SYCP1: variants seen among roughly 807,000 people sequenced by gnomAD.
SYCP1 encodes the protein synaptonemal complex protein 1, also known as cancer/testis antigen 8.
A neutral mutation model predicts 153.1 loss-of-function variants in SYCP1; 64 were observed. That is an observed-to-expected ratio of 0.42 (90% CI 0.34 to 0.51). The LOEUF (loss-of-function observed/expected upper bound fraction) is 0.51. SYCP1 is among the 20% of genes least tolerant of loss of function. The pLI, the probability that SYCP1 is intolerant of heterozygous loss-of-function variation, is 0.06. For synonymous variants in SYCP1, 384 were observed against 341.8 expected (o/e 1.12, Z -1.36); for missense variants, 997 against 1,049.0 (o/e 0.95, Z 0.68).
chr1:114,979,587 C>G (rs943797279), intron 28 of SYCP1, among the ~76,000 whole-genome samples: 7 of 151,588 alleles, frequency 4.6e-5, no homozygotes, highest in Non-Finnish European at 5.9e-5. Flanking sequence ...AAAGTTTACC[C>G]CTGATGAATC....
chr1:114,887,814 A>G (rs910624602), intron 15 of SYCP1, 121 bp downstream of exon 15: 2 of 567,560 alleles, frequency 3.5e-6, no homozygotes, highest in Admixed American at 8.3e-5. Flanking sequence ...ATTGCTTGAT[A>G]ATATTTTTAT....
chr1:114,866,902 C>CTT (rs36051645), intron 8 of SYCP1, among the ~76,000 whole-genome samples: 31 of 139,728 alleles, frequency 2.2e-4, no homozygotes, highest in South Asian at 4.6e-4. Flanking sequence ...TGTCCAGATT[C>CTT]TTTTTTTTTT....
chr1:114,868,822 A>G (rs888181456), intron 8 of SYCP1, among the ~76,000 whole-genome samples: 12 of 152,230 alleles, frequency 7.9e-5, no homozygotes, highest in African/African-American at 2.2e-4. Context: ...TAGGTTAGCA[A>G]ACCTGTGGGC....
intron 30 of SYCP1, among the ~76,000 whole-genome samples, chr1:114,993,478 C>T (rs1674059761): frequency 1.3e-5 from 2 of 151,464 alleles, no homozygotes; most frequent in Admixed American, 1.3e-4. Flanking sequence ...CCACCTCTTC[C>T]TAGCTATATA....
chr1:114,886,266 A>T lies in SYCP1; in HGVS notation c.1147A>T (p.Thr383Ser), dbSNP rs749286618. The change falls in exon 14 of 32, where the codon ACT becomes TCT. Residue 383 changes from threonine to serine, a missense_variant. This residue lies in a region of SYCP1 where 712 missense variants were observed against 682.9 expected (regional missense o/e 1.04). Transcript: ENST00000369522. ...HSFVVTEFET[T>S]VCSLEELLRT... ...GTTTGTGGTTACTGAATTTGAAACT[A>T]CTGTCTGCAGCTTGGAAGAATTATT... 62 of 1,605,212 alleles carry T rather than the reference A, an allele frequency of 3.9e-5. No individual in the cohort carries two copies. Among genetic ancestry groups the T allele is most frequent in the Non-Finnish European group, 5.3e-5 (62 of 1,176,502 alleles).
At chr1:114,957,506 C>T (rs1671518079) in intron 27 of SYCP1, among the ~76,000 whole-genome samples, 1 of 152,134 alleles carries the variant, frequency 6.6e-6, no homozygotes, top group African/African-American at 2.4e-5. Flanking sequence ...GAAAAATCAA[C>T]CCTTGGAATG....
At chr1:114,882,693 T>A (rs1666037415) in intron 12 of SYCP1, among the ~76,000 whole-genome samples, 1 of 152,174 alleles carries the variant, frequency 6.6e-6, no homozygotes, top group Non-Finnish European at 1.5e-5. Flanking sequence ...AAAAAAAAGA[T>A]TACTTGTAGG....
Position 114,874,584 on chromosome 1 carries a change from G to T in SYCP1, c.657+20G>T. Reference sequence around the variant, plus strand: ...ATTGAGGTGAGTGTTAATGAAATCTGAGTATTTTAAACATAGGAATTTCTG... The same window carrying T: ...ATTGAGGTGAGTGTTAATGAAATCTTAGTATTTTAAACATAGGAATTTCTG... On this transcript the variant is annotated intron_variant, in intron 9 of 31. Coordinates refer to ENST00000369522, the MANE Select transcript of SYCP1 (RefSeq NM_003176.4). 1 of 1,517,596 alleles carries T rather than the reference G, an allele frequency of 6.6e-7. No homozygotes were observed. Among genetic ancestry groups the T allele is most frequent in the South Asian group, 1.3e-5 (1 of 78,954 alleles). The allele number at this position is 1,517,596 out of a possible 1,614,324, so 94.0% of individuals were successfully genotyped here. A position where few individuals can be genotyped will look rare whatever the true frequency, so the allele number is the denominator to read the frequency against.
At chr1:114,864,607 G>C (rs1368882249) in intron 8 of SYCP1, among the ~76,000 whole-genome samples, 1 of 151,930 alleles carries the variant, frequency 6.6e-6, no homozygotes, top group Non-Finnish European at 1.5e-5. Flanking sequence ...TCCTACCTCA[G>C]TTTCCCAAGT....
intron 27 of SYCP1, among the ~76,000 whole-genome samples, chr1:114,971,229 G>T (rs1049427209): frequency 3.3e-5 from 5 of 152,154 alleles, no homozygotes; most frequent in Non-Finnish European, 7.3e-5. Context: ...TCAGGTGGGG[G>T]CAGGGTTAGG....
At chr1:114,950,501 C>T (rs73004467) in intron 27 of SYCP1, among the ~76,000 whole-genome samples, 3 of 151,972 alleles carry the variant, frequency 2.0e-5, no homozygotes, top group African/African-American at 4.8e-5. Flanking sequence ...AGCCTACAAA[C>T]CCATATCTCA....
At chr1:114,884,597 T>C (rs360645) in intron 12 of SYCP1, among the ~76,000 whole-genome samples, 76,440 of 152,034 alleles carry the variant, frequency 0.5, 20,092 homozygotes, top group Non-Finnish European at 0.59. Flanking sequence ...ATATTAGTGT[T>C]CAGTTTCTAC....
chr1:114,856,542 A>G, intron 2 of SYCP1, 31 bp from the exon 3 acceptor site: 1 of 1,509,638 alleles, frequency 6.6e-7, no homozygotes, highest in Non-Finnish European at 9.1e-7. Flanking sequence ...GGTATGAAAC[A>G]GAATATTTAA....
Position 114,858,780 on chromosome 1 carries a change from A to G in SYCP1, c.456+69A>G, listed in dbSNP as rs972266515. 8 of 1,301,890 alleles carry G rather than the reference A, an allele frequency of 6.1e-6. No homozygotes were observed. In the African/African-American group the frequency reaches 8.9e-5, roughly 14 times the overall value. The allele number at this position is 1,301,890 out of a possible 1,614,324, so 80.6% of individuals were successfully genotyped here. Reference sequence around the variant, plus strand: ...ATCATAATACTGTTGAAAGTAGAGTATTAGTTGGGATAAATTGGATTGATC... The same window carrying G: ...ATCATAATACTGTTGAAAGTAGAGTGTTAGTTGGGATAAATTGGATTGATC... On this transcript the variant is annotated intron_variant, in intron 6 of 31. Transcript: ENST00000369522.
In SYCP1 at chr1:114,857,263, C is replaced by T. The variant is rs17544210; in HGVS notation, c.225C>T (p.Pro75=). The T allele has an allele frequency of 9.8e-3, 15,752 of 1,599,398 alleles. 284 individuals carry two copies. The highest frequency in any genetic ancestry group is 0.068 in the African/African-American group (5,099 of 74,608). Residue 75 remains proline (P), a synonymous_variant, in exon 4 of 32, where the codon CCC becomes CCT. Coordinates refer to ENST00000369522, the MANE Select transcript of SYCP1 (RefSeq NM_003176.4). The part of the protein sequence containing the change: ...DPALQKVNFL[P]VLEQVGNSDC... The stretch of plus-strand genomic sequence containing the variant: ...CTTTACAAAAAGTTAATTTCTTGCC[C>T]GTGCTTGAGCAGGTCAGTTAAGCAT...
Position 114,886,320 on chromosome 1 carries a change from T to G in SYCP1, c.1190+11T>G, listed in dbSNP as rs763567718. ...AACAGAACAGCAAAGGTAAAATATT[T>G]ATTATTTTTAATACACAAAATAAGT... is the stretch of plus-strand genomic sequence containing the variant. On this transcript the variant is annotated intron_variant, in intron 14 of 31. Transcript: ENST00000369522. 1.3e-6 allele frequency: 2 copies of G among 1,499,530 alleles called. No individual in the cohort carries two copies. Among genetic ancestry groups the G allele is most frequent in the South Asian group, 2.8e-5 (2 of 72,280 alleles). The allele number at this position is 1,499,530 out of a possible 1,614,324, so 92.9% of individuals were successfully genotyped here.
intron 27 of SYCP1, among the ~76,000 whole-genome samples, chr1:114,947,920 T>TTA (rs1670845892): frequency 6.6e-6 from 1 of 151,766 alleles, no homozygotes; most frequent in African/African-American, 2.4e-5. Flanking sequence ...CCTTTTTTTT[T>TTA]ATTATACTTT....
intron 30 of SYCP1, 79 bp from the exon 31 acceptor site, chr1:114,994,619 G>A (rs1674150443): frequency 6.3e-6 from 7 of 1,106,466 alleles, no homozygotes; most frequent in Non-Finnish European, 8.6e-6. Flanking sequence ...CTCCTCACAT[G>A]TGATATGTTG....
chr1:114,867,883 T>G (rs547651237), intron 8 of SYCP1, among the ~76,000 whole-genome samples: 14 of 152,094 alleles, frequency 9.2e-5, no homozygotes, highest in South Asian at 2.1e-4. Context: ...AGTATGATAT[T>G]AGCTATAGGT....
Sources: gnomAD v4.1 joint callset for allele counts (sites outside exome capture counted in the v4.1 genomes callset) on GRCh38, gnomAD v4.1.1 for gene constraint, gnomAD v4.1.1 regional missense constraint, MANE v1.5 for transcripts, NCBI Gene and HGNC (gene_info 2026-07-23, HGNC 2026-07-21) for gene names.